RNF44: variants seen among roughly 807,000 people sequenced by gnomAD.
The protein encoded by RNF44 is ring finger protein 44.
A neutral mutation model predicts 53.6 loss-of-function variants in RNF44; 25 were observed. The ratio of observed to expected loss-of-function variants is 0.47; its 90% CI spans 0.34 to 0.65. The LOEUF (loss-of-function observed/expected upper bound fraction) is 0.65, where lower values mean the gene tolerates loss of function less well. RNF44 is among the 30% of genes least tolerant of loss of function. RNF44 has a pLI of 0.01. For synonymous variants in RNF44, 282 were observed against 252.2 expected (o/e 1.12, Z -1.12); for missense variants, 581 against 595.5 (o/e 0.98, Z 0.25).
At chr5:176,529,144 C>T (rs1462689086) in intron 10 of RNF44, 54 bp from the exon 11 acceptor site, 7 of 1,602,092 alleles carry the variant, frequency 4.4e-6, no homozygotes, top group Non-Finnish European at 6.0e-6. Flanking sequence ...CCCACCACAT[C>T]TGTGCAGCCA....
At chr5:176,536,876 G>C (rs1041707199) in intron 1 of RNF44, 64 bp downstream of exon 1, 1 of 152,192 alleles carries the variant, frequency 6.6e-6, no homozygotes, top group African/African-American at 2.4e-5. Flanking sequence ...CCATTCCCAG[G>C]GGAGGGGAAC....
At chr5:176,530,826 C>A in intron 5 of RNF44, 22 bp downstream of exon 5, 2 of 1,444,334 alleles carry the variant, frequency 1.4e-6, no homozygotes, top group Admixed American at 3.4e-5. Flanking sequence ...CTCCCTCCAG[C>A]ATCGGACCCA....
At position 176,532,763 on chromosome 5, in the gene RNF44, A is replaced by G. The variant is rs876225; in HGVS notation, c.-44-247T>C. 2.4e-3 allele frequency among the ~76,000 whole-genome samples: 341 copies of G among 141,938 alleles called. 5 individuals are homozygous for G. The highest frequency in any genetic ancestry group is 8.3e-3 in the African/African-American group (294 of 35,482). The allele number at this position is 141,938 out of a possible 152,430, so 93.1% of individuals were successfully genotyped here. On this transcript the variant is annotated intron_variant, in intron 1 of 10. Transcript: ENST00000274811. Reference sequence around the variant, plus strand: ...CTCCCGTCTCAAAAAAAAAAAAAAAAAAAGAAAGAAACTGAGGCACAGAGA... The same window carrying G: ...CTCCCGTCTCAAAAAAAAAAAAAAAGAAAGAAAGAAACTGAGGCACAGAGA...
intron 1 of RNF44, among the ~76,000 whole-genome samples, chr5:176,533,030 T>A (rs139359080): frequency 2.0e-5 from 3 of 152,300 alleles, no homozygotes; most frequent in Non-Finnish European, 4.4e-5. Flanking sequence ...GCCAGTGGGT[T>A]CCTGGTAGGC....
At position 176,530,743 on chromosome 5, in the gene RNF44, G is replaced by A; in HGVS notation, c.640C>T (p.Pro214Ser). The change falls in exon 6 of 11, where the codon CCC becomes TCC. Residue 214 changes from proline (P) to serine (S), a missense_variant and splice_region_variant. Physicochemically the swap from Pro to Ser is moderately conservative, Grantham distance 74. Coordinates refer to ENST00000274811, the MANE Select transcript of RNF44 (RefSeq NM_014901.5). The stretch of plus-strand genomic sequence containing the variant: ...ACGTCGTTGTCGAGCCGCTGGAGGG[G>A]CTGGAAGAACCAGCGCCGGGTCAGC... ...VSLQTQHPRM[P>S]LQRLDNDVDL... is the part of the protein sequence containing the mutation. 1 of 1,534,016 alleles carries A rather than the reference G, an allele frequency of 6.5e-7. No homozygotes were observed. The highest frequency in any genetic ancestry group is 2.6e-5 in the East Asian group (1 of 38,508).
Position 176,529,025 on chromosome 5 carries a change from G to T in RNF44, c.*3C>A. 1 of 1,611,340 alleles carries T rather than the reference G, an allele frequency of 6.2e-7. No homozygotes were observed. The highest frequency in any genetic ancestry group is 1.7e-5 in the Admixed American group (1 of 59,910). ...GTTCTCCCGGGCAGGCGGCTGCGTG[G>T]CCTCACTCAGCCTCCCTGGGCACCT... On this transcript the variant is annotated 3_prime_UTR_variant, in exon 11 of 11. Transcript: ENST00000274811.
At chr5:176,535,168 G>A (rs1757041416) in intron 1 of RNF44, among the ~76,000 whole-genome samples, 1 of 152,182 alleles carries the variant, frequency 6.6e-6, no homozygotes, top group South Asian at 2.1e-4. Flanking sequence ...ACAGACCGTG[G>A]GCAAGGGCTT....
rs770807185 is a variant in RNF44, at chr5:176,529,060, C to T, written c.1267G>A (p.Asp423Asn). The T allele has an allele frequency of 9.3e-6, 15 of 1,612,870 alleles. No homozygotes were observed. Among genetic ancestry groups the T allele is most frequent in the Admixed American group, 1.7e-5 (1 of 59,988 alleles). Residue 423 changes from aspartate (D) to asparagine (N), a missense_variant, in exon 11 of 11, where the codon GAC becomes AAC. Asp to Asn is a conservative substitution (Grantham distance 23). This residue lies in a region of RNF44 where 183 missense variants were observed against 198.6 expected (regional missense o/e 0.92). Coordinates refer to ENST00000274811, the MANE Select transcript of RNF44 (RefSeq NM_014901.5). ...ANRTCPICRA[D>N]ASEVPREAE ...GCCTCCCTGGGCACCTCGGAGGCGT[C>T]GGCCCGGCAGATGGGACACGTCCGG... is the stretch of plus-strand genomic sequence containing the variant.
upstream of RNF44, among the ~76,000 whole-genome samples, chr5:176,538,706 T>TG (rs1423384762): frequency 6.6e-6 from 1 of 151,356 alleles, no homozygotes; most frequent in Admixed American, 6.6e-5. Context: ...GGCAGGGGGA[T>TG]GGGGGGCTCA....
chr5:176,527,174 T>C lies in RNF44; in HGVS notation c.*1854A>G, dbSNP rs1056506997. On this transcript the variant is annotated 3_prime_UTR_variant, in exon 11 of 11. Transcript: ENST00000274811. ...CCCACTGTCATGCCTAGGCCAGAAG[T>C]TGGTAAATAAGAGAGTAAACAATGG... The C allele has an allele frequency of 5.3e-5, 8 of 152,044 alleles. No homozygotes were observed. The highest frequency in any genetic ancestry group is 1.7e-4 in the African/African-American group (7 of 41,316). The allele number at this position is 152,044 out of a possible 1,614,324, so 9.4% of individuals were successfully genotyped here.
Position 176,531,907 on chromosome 5 carries a change from T to C in RNF44, c.297+97A>G. ...GGGCCAATAATGCCTCCCTGGAACG[T>C]GAAATGAAGCAAGCTAGGTGAAATC... is the stretch of plus-strand genomic sequence containing the variant. On this transcript the variant is annotated intron_variant, in intron 3 of 10. Transcript: ENST00000274811. This position sits in a 1 kb window ranked among gnomAD's most constrained non-coding sequence, Gnocchi z 4.2. 1 of 1,335,564 alleles carries C rather than the reference T, an allele frequency of 7.5e-7. No homozygotes were observed. The highest frequency in any genetic ancestry group is 2.4e-5 in the East Asian group (1 of 41,946). The allele number at this position is 1,335,564 out of a possible 1,614,324, so 82.7% of individuals were successfully genotyped here. A position where few individuals can be genotyped will look rare whatever the true frequency, so the allele number is the denominator to read the frequency against.
Position 176,529,401 on chromosome 5 carries a change from C to G in RNF44, c.1137-14G>C. The G allele has an allele frequency of 6.2e-7, 1 of 1,606,790 alleles. No homozygotes were observed. Among genetic ancestry groups the G allele is most frequent in the Non-Finnish European group, 8.5e-7 (1 of 1,175,112 alleles). On this transcript the variant is annotated splice_polypyrimidine_tract_variant and intron_variant, in intron 9 of 10. Transcript: ENST00000274811. ...CAGACCACACACCTGTGGAGGGGCG[C>G]GGAGCGTCACCTCCACGCTGAGGGC...
chr5:176,529,237 C>G (rs771284845), intron 10 of RNF44, 51 bp downstream of exon 10: 1 of 1,564,918 alleles, frequency 6.4e-7, no homozygotes, highest in South Asian at 1.1e-5. Context: ...GCCAGCCCAT[C>G]CCCCCGTCAC....
At position 176,528,908 on chromosome 5, in the gene RNF44, G is replaced by T; in HGVS notation, c.*120C>A. 2 of 922,118 alleles carry T rather than the reference G, an allele frequency of 2.2e-6. No homozygotes were observed. The highest frequency in any genetic ancestry group is 1.7e-5 in the South Asian group (1 of 58,912). 57.1% of individuals were successfully genotyped at this position (922,118 alleles called of 1,614,324 possible). Reference sequence around the variant, plus strand: ...TGGGCTGACCCTGGCACCAGCTCTGGAAATGCAGGCAGGAGCGAAGGGGCA... The same window carrying T: ...TGGGCTGACCCTGGCACCAGCTCTGTAAATGCAGGCAGGAGCGAAGGGGCA... On this transcript the variant is annotated 3_prime_UTR_variant, in exon 11 of 11. Coordinates refer to ENST00000274811, the MANE Select transcript of RNF44 (RefSeq NM_014901.5).
upstream of RNF44, among the ~76,000 whole-genome samples, chr5:176,541,095 C>T (rs952467276): frequency 2.6e-5 from 4 of 152,178 alleles, no homozygotes; most frequent in Non-Finnish European, 4.4e-5. Context: ...CGGTTCAGAG[C>T]CATGGAGGGG....
rs751957104 is a variant in RNF44, at chr5:176,532,078, G to A, written c.223C>T (p.Pro75Ser). 6 of 1,606,346 alleles carry A rather than the reference G, an allele frequency of 3.7e-6. No homozygotes were observed. The highest frequency in any genetic ancestry group is 1.7e-4 in the Middle Eastern group (1 of 6,014). Residue 75 changes from proline (P) to serine (S), a missense_variant, in exon 3 of 11, where the codon CCT (proline) becomes TCT (serine). Around this residue, in one of 3 missense-constraint regions of RNF44, gnomAD observed 387 missense variants for 366.0 expected, o/e 1.06. Transcript: ENST00000274811. Reference sequence around the variant, plus strand: ...AGCATTCGGGGGCTCCCGCCGGCAGGAGCCGAGGCTCGGCGCTCCTCTACG... The same window carrying A: ...AGCATTCGGGGGCTCCCGCCGGCAGAAGCCGAGGCTCGGCGCTCCTCTACG... ...LPVEERRASA[P>S]AGGSPRMLHP...
chr5:176,533,145 C>G (rs1426610770), intron 1 of RNF44, among the ~76,000 whole-genome samples: 1 of 152,200 alleles, frequency 6.6e-6, no homozygotes, highest in Non-Finnish European at 1.5e-5. Context: ...CAGGCGGCAG[C>G]TGGGGGTTCC....
At position 176,530,752 on chromosome 5, in the gene RNF44, ACCAGCGCC is replaced by A. The variant is rs747358351; in HGVS notation, c.640-17_640-10del. 35 of 1,525,632 alleles carry A rather than the reference ACCAGCGCC, an allele frequency of 2.3e-5. No individual in the cohort carries two copies. The African/African-American group carries it at 4.6e-4, about 20-fold the overall frequency. 94.5% of individuals were successfully genotyped at this position (1,525,632 alleles called of 1,614,324 possible). A position where few individuals can be genotyped will look rare whatever the true frequency, so the allele number is the denominator to read the frequency against. On this transcript the variant is annotated splice_polypyrimidine_tract_variant and intron_variant, in intron 5 of 10. Transcript: ENST00000274811. ...TCGAGCCGCTGGAGGGGCTGGAAGA[ACCAGCGCC>A]GGGTCAGCAAGTCAGTGAGACGAGG...
At chr5:176,529,979 C>T (rs1304801958) in intron 7 of RNF44, 103 bp downstream of exon 7, 2 of 1,433,586 alleles carry the variant, frequency 1.4e-6, no homozygotes, top group Non-Finnish European at 1.9e-6. Flanking sequence ...CGCCAGGTGG[C>T]TTCAGAGGCC....
Sources: allele counts gnomAD v4.1 joint callset (sites outside exome capture counted in the v4.1 genomes callset), GRCh38; gene constraint gnomAD v4.1.1; regional missense constraint gnomAD v4.1.1; non-coding constraint Gnocchi (gnomAD v3.1); transcripts MANE v1.5; gene names NCBI Gene and HGNC (gene_info 2026-07-23, HGNC 2026-07-21).